Variants in DCAF1 observed in about 807,000 individuals in gnomAD.
DCAF1 encodes the protein DDB1 and CUL4 associated factor 1.
In DCAF1, 15 loss-of-function variants were observed where a neutral mutation model predicts 128.0. The observed-to-expected ratio is 0.12, with a 90% CI of 0.08 to 0.18. The LOEUF is 0.18. Ranked by LOEUF, DCAF1 falls within the 10% of genes least tolerant of loss-of-function variation. The pLI is 1.00. For missense variants in DCAF1, 988 were observed against 1,649.5 expected, an observed-to-expected ratio of 0.60 and a Z score of 6.95; for synonymous variants, 610 against 603.0, an observed-to-expected ratio of 1.01 and a Z score of -0.17.
intron 1 of DCAF1, among the ~76,000 whole-genome samples, chr3:51,497,621 A>T (rs1708374125): frequency 6.7e-6 from 1 of 150,200 alleles, no homozygotes; most frequent in Non-Finnish European, 1.5e-5. Context: ...TTAAATTGAC[A>T]GGCACAGTGG....
At chr3:51,459,159 G>A (rs868961335) in intron 6 of DCAF1, among the ~76,000 whole-genome samples, 7 of 151,970 alleles carry the variant, frequency 4.6e-5, no homozygotes, top group African/African-American at 9.7e-5. Flanking sequence ...TTGATAGACC[G>A]CTAGCAAGAA....
At chr3:51,463,577 G>A (rs1244703774) in intron 5 of DCAF1, among the ~76,000 whole-genome samples, 1 of 152,078 alleles carries the variant, frequency 6.6e-6, no homozygotes, top group African/African-American at 2.4e-5. Flanking sequence ...GAGCTGAGGA[G>A]TTTGAAACCA....
chr3:51,406,434 GT>G (rs564768373), intron 23 of DCAF1, among the ~76,000 whole-genome samples: 18 of 140,452 alleles, frequency 1.3e-4, no homozygotes, highest in Admixed American at 1.4e-4. Context: ...CAGGGATATT[GT>G]TTTTTTTTTT....
upstream of DCAF1, among the ~76,000 whole-genome samples, chr3:51,504,940 C>CT (rs1304341685): frequency 1.3e-5 from 2 of 151,958 alleles, no homozygotes; most frequent in Non-Finnish European, 2.9e-5. Flanking sequence ...TAGTGAGACT[C>CT]TATCAGTATA....
At chr3:51,423,570 CA>C (rs1553633214) in intron 13 of DCAF1, among the ~76,000 whole-genome samples, 2 of 148,910 alleles carry the variant, frequency 1.3e-5, no homozygotes, top group African/African-American at 4.9e-5. Flanking sequence ...GTAATCACAA[CA>C]ATTTGGGAGG....
chr3:51,438,179 G>A (rs1701031003), intron 9 of DCAF1: 5 of 320,298 alleles, frequency 1.6e-5, no homozygotes, highest in East Asian at 9.5e-5. Context: ...AGCCCAGCAG[G>A]GTAACTTCAG....
Position 51,403,195 on chromosome 3 carries a change from C to T in DCAF1, c.4413G>A (p.Gly1471=). 1.2e-6 allele frequency: 2 copies of T among 1,613,914 alleles called. No individual in the cohort carries two copies. Among genetic ancestry groups the T allele is most frequent in the South Asian group, 1.1e-5 (1 of 91,062 alleles). ...CATCTGCATCAGAGTCTTCATCCTC[C>T]CCGTCCTCTCCCTCCTCTAGAAGGT... ...LANLLEEGED[G]EDEDSDADEE... The change falls in exon 24 of 25, where the codon GGG becomes GGA. Residue 1471 remains glycine (G), a synonymous_variant. Coordinates refer to ENST00000684031, the MANE Select transcript of DCAF1 (RefSeq NM_001387579.1).
At chr3:51,459,507 A>T (rs1553643899) in intron 6 of DCAF1, among the ~76,000 whole-genome samples, 1 of 152,246 alleles carries the variant, frequency 6.6e-6, no homozygotes, top group Non-Finnish European at 1.5e-5. Flanking sequence ...ATTCCTTCTG[A>T]AATTATTCCA....
intron 6 of DCAF1, among the ~76,000 whole-genome samples, chr3:51,461,871 A>G (rs1419249238): frequency 6.6e-6 from 1 of 152,032 alleles, no homozygotes; most frequent in African/African-American, 2.4e-5. Context: ...ATGAGAACAC[A>G]TGGACACAGG....
chr3:51,499,535 GAA>G (rs1230809820), intron 1 of DCAF1, among the ~76,000 whole-genome samples: 1 of 152,218 alleles, frequency 6.6e-6, no homozygotes, highest in Non-Finnish European at 1.5e-5. Flanking sequence ...GAAGGAAAAA[GAA>G]AACAAGGGAA....
rs929290128 is a variant in DCAF1 at position 51,435,277 on chromosome 3, T to C, written c.1129-2013A>G. Among the ~76,000 whole-genome samples the C allele has an allele frequency of 1.6e-4, 25 of 152,254 alleles. 1 individual carries two copies. The highest frequency in any genetic ancestry group is 1.3e-3 in the Admixed American group (20 of 15,276). ...ACTGCACCTTGTTCAGGACCAGAAA[T>C]TGCAACTGAAAGCAATATCCTTGGG... On this transcript the variant is annotated intron_variant, in intron 9 of 24. Coordinates refer to ENST00000684031, the MANE Select transcript of DCAF1 (RefSeq NM_001387579.1).
At chr3:51,442,426 G>T (rs922101776) in intron 7 of DCAF1, among the ~76,000 whole-genome samples, 1 of 152,076 alleles carries the variant, frequency 6.6e-6, no homozygotes, top group Non-Finnish European at 1.5e-5. Flanking sequence ...GGCCAGGTGC[G>T]GTAGCTCACG....
chr3:51,400,671 A>G (rs2089602317), intron 24 of DCAF1, among the ~76,000 whole-genome samples: 2 of 151,878 alleles, frequency 1.3e-5, no homozygotes, highest in Non-Finnish European at 2.9e-5. Context: ...TCCTTTCCCC[A>G]TTCTCCAAGT....
At chr3:51,466,339 A>G (rs528761737) in intron 5 of DCAF1, among the ~76,000 whole-genome samples, 1 of 152,116 alleles carries the variant, frequency 6.6e-6, no homozygotes, top group Non-Finnish European at 1.5e-5. Context: ...ATGCCATCCC[A>G]CCTCCAAAAA....
In DCAF1 at chr3:51,407,716, G is replaced by A. The variant is rs1458209187; in HGVS notation, c.4213-4321C>T. On this transcript the variant is annotated intron_variant, in intron 23 of 24. Transcript: ENST00000684031. ...AAAACACAGGCACCAGGTTGGGCGC[G>A]GTGGCTCATGCCTATAATCCCAGCA... is the stretch of plus-strand genomic sequence containing the variant. Among the ~76,000 whole-genome samples the A allele has an allele frequency of 3.3e-5, 5 of 152,044 alleles. No homozygotes were observed. The South Asian group carries it at 6.2e-4, about 19-fold the overall frequency.
In DCAF1 at chr3:51,430,047, G is replaced by A. The variant is rs782247508; in HGVS notation, c.1453C>T (p.Arg485Cys). 5.1e-6 allele frequency: 4 copies of A among 780,608 alleles called. No individual in the cohort carries two copies. Among genetic ancestry groups the A allele is most frequent in the South Asian group, 2.7e-5 (2 of 74,608 alleles). 48.4% of individuals were successfully genotyped at this position (780,608 alleles called of 1,614,324 possible). A position where few individuals can be genotyped will look rare whatever the true frequency, so the allele number is the denominator to read the frequency against. ...ELFDRYDGLR[R>C]LVNLISTLEI... ...AAGAACCTCACCAAGTTCACCAGAC[G>A]ACGAAGACCATCATAGCGGTCAAAG... is the stretch of plus-strand genomic sequence containing the variant. The change falls in exon 11 of 25, where the codon CGT becomes TGT. Residue 485 changes from arginine to cysteine, a missense_variant. By Grantham distance (180) the Arg-to-Cys change is radical. This residue lies in a region of DCAF1 where 185 missense variants were observed against 248.1 expected (regional missense o/e 0.75). Transcript: ENST00000684031.
chr3:51,411,288 A>G (rs1406508809), intron 23 of DCAF1, among the ~76,000 whole-genome samples: 1 of 152,250 alleles, frequency 6.6e-6, no homozygotes, highest in Non-Finnish European at 1.5e-5. Flanking sequence ...TCTGAAGAGC[A>G]AAGTCAAATC....
intron 15 of DCAF1, 34 bp from the exon 16 acceptor site, chr3:51,418,910 A>G (rs544977152): frequency 1.3e-6 from 2 of 1,563,338 alleles, no homozygotes; most frequent in East Asian, 4.7e-5. Context: ...ACAGGCAAAG[A>G]ATGTGCAGGG....
the DCAF1 span, among the ~76,000 whole-genome samples, chr3:51,505,203 G>C: frequency 6.6e-6 from 1 of 151,832 alleles, no homozygotes; most frequent in African/African-American, 2.4e-5. Flanking sequence ...GGCGTAGGTT[G>C]CAGTGAGCCG....
Sources: allele counts gnomAD v4.1 joint callset (sites outside exome capture counted in the v4.1 genomes callset), GRCh38; gene constraint gnomAD v4.1.1; regional missense constraint gnomAD v4.1.1; transcripts MANE v1.5; gene names NCBI Gene and HGNC (gene_info 2026-07-23, HGNC 2026-07-21).